Variants in SYN3 observed in about 807,000 individuals in gnomAD.
The protein encoded by SYN3 is synapsin-3.
A neutral mutation model predicts 65.8 loss-of-function variants in SYN3; 35 were observed. The ratio of observed to expected loss-of-function variants is 0.53; its 90% CI spans 0.41 to 0.70. The LOEUF (loss-of-function observed/expected upper bound fraction) is 0.70, where lower values mean the gene tolerates loss of function less well. SYN3 is among the 30% of genes least tolerant of loss of function. The pLI, the probability that SYN3 is intolerant of heterozygous loss-of-function variation, is 0.00. For synonymous variants in SYN3, 270 were observed against 292.9 expected, an observed-to-expected ratio of 0.92 and a Z score of 0.80; for missense variants, 680 against 749.0, an observed-to-expected ratio of 0.91 and a Z score of 1.08.
intron 7 of SYN3, among the ~76,000 whole-genome samples, chr22:32,552,121 C>A (rs1353470114): frequency 6.6e-6 from 1 of 152,226 alleles, no homozygotes; most frequent in Non-Finnish European, 1.5e-5. Context: ...TGGCGGGCGC[C>A]TGTAATCCCA....
intron 6 of SYN3, among the ~76,000 whole-genome samples, chr22:32,638,626 G>A (rs1601815068): frequency 6.6e-6 from 1 of 152,276 alleles, no homozygotes; most frequent in South Asian, 2.1e-4. Flanking sequence ...AGAAGCATCT[G>A]TTAATGTCTT....
At chr22:32,963,979 C>T (rs536207551) in intron 3 of SYN3, among the ~76,000 whole-genome samples, 2 of 152,016 alleles carry the variant, frequency 1.3e-5, no homozygotes, top group Non-Finnish European at 2.9e-5. Context: ...CCTGGCAGCA[C>T]TAGAGGGGGT....
At chr22:32,711,213 T>G (rs959682342) in intron 6 of SYN3, among the ~76,000 whole-genome samples, 4 of 152,188 alleles carry the variant, frequency 2.6e-5, no homozygotes, top group African/African-American at 9.7e-5. Flanking sequence ...ATTTTTTGAG[T>G]GCACATGCTC....
intron 1 of SYN3, among the ~76,000 whole-genome samples, chr22:33,011,317 T>C (rs1601901826): frequency 6.6e-6 from 1 of 152,324 alleles, no homozygotes; most frequent in East Asian, 1.9e-4. Flanking sequence ...ACTAAATCTA[T>C]TGAGAGGATT....
intron 3 of SYN3, among the ~76,000 whole-genome samples, chr22:32,932,491 T>C (rs539308897): frequency 1.1e-4 from 16 of 152,302 alleles, no homozygotes; most frequent in African/African-American, 3.6e-4. Context: ...TTCTGTCATC[T>C]GCACTGGCAA....
intron 1 of SYN3, chr22:33,015,233 A>AC: frequency 4.6e-6 from 2 of 438,188 alleles, no homozygotes; most frequent in Non-Finnish European, 7.1e-6. Flanking sequence ...AAAAAAAAAA[A>AC]AAAAAAAAAC....
At chr22:32,946,736 T>C (rs949805416) in intron 3 of SYN3, among the ~76,000 whole-genome samples, 6 of 152,174 alleles carry the variant, frequency 3.9e-5, no homozygotes, top group Non-Finnish European at 7.3e-5. Flanking sequence ...AAAGACCCCA[T>C]GCCATAATAT....
chr22:32,715,578 A>C (rs560443641), intron 6 of SYN3, among the ~76,000 whole-genome samples: 1 of 152,112 alleles, frequency 6.6e-6, no homozygotes, highest in Non-Finnish European at 1.5e-5. Context: ...CAGGAATTCA[A>C]GACTAGCCTG....
At chr22:32,770,185 A>C (rs1267484560) in intron 6 of SYN3, among the ~76,000 whole-genome samples, 1 of 152,180 alleles carries the variant, frequency 6.6e-6, no homozygotes, top group African/African-American at 2.4e-5. Flanking sequence ...AAATAAAATC[A>C]GAATTGACCT....
intron 6 of SYN3, among the ~76,000 whole-genome samples, chr22:32,682,121 T>C (rs1028612058): frequency 1.2e-4 from 12 of 97,012 alleles, no homozygotes; most frequent in Non-Finnish European, 2.5e-4. Flanking sequence ...CCAGGGGCCA[T>C]TCTGACCCCA....
At chr22:32,912,614 G>A (rs920075092) in intron 4 of SYN3, among the ~76,000 whole-genome samples, 7 of 151,998 alleles carry the variant, frequency 4.6e-5, no homozygotes, top group African/African-American at 9.7e-5. Context: ...CTAGCTACTC[G>A]GGAGGCTGAG....
chr22:32,894,045 T>C (rs1248059742), intron 4 of SYN3, among the ~76,000 whole-genome samples: 3 of 152,196 alleles, frequency 2.0e-5, no homozygotes, highest in Non-Finnish European at 4.4e-5. Context: ...TCGAGTCTTG[T>C]TCTAGGGTAG....
At chr22:32,583,420 C>T (rs906190430) in intron 7 of SYN3, 1 of 152,248 alleles carries the variant, frequency 6.6e-6, no homozygotes, top group African/African-American at 2.4e-5. Flanking sequence ...CTTCTCCTGC[C>T]TGCTGATGGT....
At position 33,006,723 on chromosome 22, in the gene SYN3, G is replaced by C; in HGVS notation, c.-61C>G. On this transcript the variant is annotated 5_prime_UTR_variant, in exon 2 of 14. Transcript: ENST00000358763. The stretch of plus-strand genomic sequence containing the variant: ...AGACGTGTGTAGGTGAGGCCCAGAA[G>C]ACAGGCTGCTGCCAGGTACAGGGAG... The C allele has an allele frequency of 6.7e-7, 1 of 1,493,640 alleles. No homozygotes were observed. The allele number at this position is 1,493,640 out of a possible 1,614,324, so 92.5% of individuals were successfully genotyped here. A position where few individuals can be genotyped will look rare whatever the true frequency, so the allele number is the denominator to read the frequency against.
chr22:32,651,845 A>G (rs1026773467), intron 6 of SYN3, among the ~76,000 whole-genome samples: 2 of 152,186 alleles, frequency 1.3e-5, no homozygotes, highest in Non-Finnish European at 2.9e-5. Flanking sequence ...ACATTAGAGC[A>G]GTGTGGTTCC....
chr22:32,632,882 G>A (rs1445422966), intron 6 of SYN3, among the ~76,000 whole-genome samples: 1 of 152,210 alleles, frequency 6.6e-6, no homozygotes, highest in Non-Finnish European at 1.5e-5. Flanking sequence ...GATGTCTTTG[G>A]CTTCTAATTC....
At chr22:32,581,546 A>C (rs2146493583) in intron 7 of SYN3, among the ~76,000 whole-genome samples, 1 of 152,316 alleles carries the variant, frequency 6.6e-6, no homozygotes, top group African/African-American at 2.4e-5. Flanking sequence ...TTAACCATTA[A>C]GCTCAATGGT....
rs1341661796 is a variant in SYN3, at chr22:32,667,803, T to TTC, written c.712-71068_712-71067insGA. ...TCACTTTTCTTTCTTTCTTTCTTTT[T>TTC]TTTTTTTTTTTTGAGACGGAGTGTC... On this transcript the variant is annotated intron_variant, in intron 6 of 13. Transcript: ENST00000358763. Among the ~76,000 whole-genome samples, 73 of 148,350 alleles carry TTC rather than the reference T, an allele frequency of 4.9e-4. 1 individual carries two copies. In the East Asian group the frequency reaches 0.01, roughly 21 times the overall value.
chr22:32,883,991 G>C (rs1485201440), intron 4 of SYN3, among the ~76,000 whole-genome samples: 5 of 152,202 alleles, frequency 3.3e-5, no homozygotes, highest in Non-Finnish European at 5.9e-5. Context: ...AAGAAAGCAA[G>C]GTGGTAACAA....
Sources: gnomAD v4.1 joint callset for allele counts (sites outside exome capture counted in the v4.1 genomes callset) on GRCh38, gnomAD v4.1.1 for gene constraint, MANE v1.5 for transcripts, NCBI Gene and HGNC (gene_info 2026-07-23, HGNC 2026-07-21) for gene names.